Variants in ITCH observed in about 807,000 individuals in gnomAD.
The protein encoded by ITCH is itchy E3 ubiquitin protein ligase.
In ITCH, 28 loss-of-function variants were observed where a neutral mutation model predicts 126.8. That is an observed-to-expected ratio of 0.22 (90% CI 0.16 to 0.30). ITCH has a LOEUF of 0.30. ITCH is among the 10% of genes least tolerant of loss of function. The pLI is 1.00. For synonymous variants in ITCH, 342 were observed against 340.0 expected, an observed-to-expected ratio of 1.01 and a Z score of -0.06; for missense variants, 631 against 1,032.4, an observed-to-expected ratio of 0.61 and a Z score of 5.33.
At chr20:34,407,601 A>G (rs1187935468) in intron 3 of ITCH, among the ~76,000 whole-genome samples, 1 of 152,158 alleles carries the variant, frequency 6.6e-6, no homozygotes, top group Non-Finnish European at 1.5e-5. Flanking sequence ...TAAAGCTCCC[A>G]TACAAAGCTT....
chr20:34,371,829 C>T (rs781623159), intron 2 of ITCH, among the ~76,000 whole-genome samples: 12 of 152,092 alleles, frequency 7.9e-5, no homozygotes, highest in Non-Finnish European at 1.5e-4. Context: ...ATTCTGTGAT[C>T]TTGGGCAGCT....
chr20:34,423,773 T>A (rs1981119479), intron 6 of ITCH, among the ~76,000 whole-genome samples: 1 of 152,080 alleles, frequency 6.6e-6, no homozygotes, highest in Non-Finnish European at 1.5e-5. Context: ...TTGGCTAATT[T>A]TTGTATTTTT....
intron 8 of ITCH, among the ~76,000 whole-genome samples, chr20:34,439,892 A>T (rs1437555176): frequency 1.3e-5 from 2 of 152,220 alleles, no homozygotes; most frequent in African/African-American, 4.8e-5. Context: ...ATTTCCAGTG[A>T]CATCAGAAGA....
At chr20:34,405,157 A>AAAAAAAAAAG (rs2039015800) in intron 3 of ITCH, among the ~76,000 whole-genome samples, 1 of 150,726 alleles carries the variant, frequency 6.6e-6, no homozygotes, top group Non-Finnish European at 1.5e-5. Context: ...AAAAAAAAAA[A>AAAAAAAAAAG]AAAAAAAGGT....
In ITCH at chr20:34,384,796, G is replaced by A. The variant is rs900890281; in HGVS notation, c.-21-8995G>A. Reference sequence around the variant, plus strand: ...CTGCCTCAGCCTCCCAAGTACCTGGGACTACAGGCGCCCGCCACCACACCT... The same window carrying A: ...CTGCCTCAGCCTCCCAAGTACCTGGAACTACAGGCGCCCGCCACCACACCT... On this transcript the variant is annotated intron_variant, in intron 2 of 24. Coordinates refer to ENST00000374864, the MANE Select transcript of ITCH (RefSeq NM_031483.7). Among the ~76,000 whole-genome samples, 11 of 151,458 alleles carry A rather than the reference G, an allele frequency of 7.3e-5. No homozygotes were observed. The East Asian group carries it at 2.1e-3, about 29-fold the overall frequency.
chr20:34,423,169 G>A (rs533550495), intron 6 of ITCH, among the ~76,000 whole-genome samples: 1 of 152,188 alleles, frequency 6.6e-6, no homozygotes, highest in South Asian at 2.1e-4. Context: ...TCTGTTTTTT[G>A]TGTCTGGCTT....
intron 3 of ITCH, among the ~76,000 whole-genome samples, chr20:34,406,531 G>T (rs73257146): frequency 0.033 from 4,907 of 150,468 alleles, 233 homozygotes; most frequent in African/African-American, 0.1. Flanking sequence ...TTAAGCTGCT[G>T]CTTCTTTTTT....
Position 34,409,614 on chromosome 20 carries a change from T to C in ITCH, c.212+822T>C, listed in dbSNP as rs371529711. Among the ~76,000 whole-genome samples the C allele has an allele frequency of 7.0e-4, 107 of 152,346 alleles. 1 individual carries two copies. The highest frequency in any genetic ancestry group is 2.5e-3 in the African/African-American group (104 of 41,586). ...ACATATGGATCTTGCATCCCTTATA[T>C]AGCTTTGTAATATTCCTTAATATGG... On this transcript the variant is annotated intron_variant, in intron 4 of 24. Transcript: ENST00000374864.
At chr20:34,379,052 A>G (rs556313765) in intron 2 of ITCH, among the ~76,000 whole-genome samples, 6 of 152,178 alleles carry the variant, frequency 3.9e-5, no homozygotes, top group African/African-American at 1.4e-4. Flanking sequence ...TTCTGTATAT[A>G]TTGAAATGTG....
chr20:34,393,127 C>T (rs1284386390), intron 2 of ITCH, among the ~76,000 whole-genome samples: 4 of 152,216 alleles, frequency 2.6e-5, no homozygotes, highest in East Asian at 1.9e-4. Context: ...TATCTGCCTG[C>T]GTTTTGTCAG....
At position 34,412,658 on chromosome 20, in the gene ITCH, T is replaced by C. The variant is rs1979204531; in HGVS notation, c.337+19T>C. 1 of 1,593,230 alleles carries C rather than the reference T, an allele frequency of 6.3e-7. No individual in the cohort carries two copies. Among genetic ancestry groups the C allele is most frequent in the Non-Finnish European group, 8.6e-7 (1 of 1,162,176 alleles). On this transcript the variant is annotated intron_variant, in intron 5 of 24. Coordinates refer to ENST00000374864, the MANE Select transcript of ITCH (RefSeq NM_031483.7). ...ATGAAACGTATGTATGTAAGACTAA[T>C]AGAAATTGCACTTAGCTGTTTGTTT...
intron 20 of ITCH, among the ~76,000 whole-genome samples, chr20:34,487,844 C>T (rs1600477661): frequency 6.6e-6 from 1 of 152,162 alleles, no homozygotes; most frequent in East Asian, 1.9e-4. Context: ...GAGGCTGAGG[C>T]ATGAGAATCG....
At chr20:34,421,225 C>T (rs190973059) in intron 6 of ITCH, among the ~76,000 whole-genome samples, 19 of 152,350 alleles carry the variant, frequency 1.2e-4, no homozygotes, top group Middle Eastern at 3.4e-3. Context: ...AGCAGTCCTC[C>T]TGCCTCAGCT....
intron 13 of ITCH, among the ~76,000 whole-genome samples, chr20:34,459,194 A>T (rs1271497691): frequency 6.6e-6 from 1 of 152,214 alleles, no homozygotes; most frequent in Non-Finnish European, 1.5e-5. Context: ...AGTCACATTT[A>T]TTCTAGAGAA....
At chr20:34,482,279 A>G (rs545042943) in intron 20 of ITCH, among the ~76,000 whole-genome samples, 1 of 152,248 alleles carries the variant, frequency 6.6e-6, no homozygotes, top group African/African-American at 2.4e-5. Context: ...ACAGTCCCCA[A>G]AGTCTTAACT....
At chr20:34,370,417 T>C (rs2037577587) in intron 2 of ITCH, among the ~76,000 whole-genome samples, 1 of 151,948 alleles carries the variant, frequency 6.6e-6, no homozygotes, top group South Asian at 2.1e-4. Flanking sequence ...CCCAGCACTT[T>C]GTTTGGGAGG....
chr20:34,466,244 T>C lies in ITCH; in HGVS notation c.1425-3804T>C, dbSNP rs533500108. On this transcript the variant is annotated intron_variant, in intron 14 of 24. Transcript: ENST00000374864. Reference sequence around the variant, plus strand: ...GTTGATTTTTCATAGGTTGAACCTTTTTTGCATTCCAGGAATAAATCCTAC... The same window carrying C: ...GTTGATTTTTCATAGGTTGAACCTTCTTTGCATTCCAGGAATAAATCCTAC... 66 of 392,478 alleles carry C rather than the reference T, an allele frequency of 1.7e-4. 1 individual carries two copies. In the Middle Eastern group the frequency reaches 2.2e-3, roughly 13 times the overall value. 24.3% of individuals were successfully genotyped at this position (392,478 alleles called of 1,614,324 possible).
chr20:34,392,057 C>CT (rs1446963895), intron 2 of ITCH, among the ~76,000 whole-genome samples: 2 of 152,060 alleles, frequency 1.3e-5, no homozygotes, highest in Non-Finnish European at 2.9e-5. Context: ...CCTTAATTTA[C>CT]TTTTTTAAAT....
At chr20:34,369,196 T>G (rs1437692073) in intron 1 of ITCH, among the ~76,000 whole-genome samples, 198 bp from the exon 2 acceptor site, 1 of 151,862 alleles carries the variant, frequency 6.6e-6, no homozygotes, top group Non-Finnish European at 1.5e-5. Flanking sequence ...GGCGTGGGGG[T>G]GCACGCCCGT....
Sources: allele counts gnomAD v4.1 joint callset (sites outside exome capture counted in the v4.1 genomes callset), GRCh38; gene constraint gnomAD v4.1.1; transcripts MANE v1.5; gene names NCBI Gene and HGNC (gene_info 2026-07-23, HGNC 2026-07-21).